DPP6: variants seen among roughly 807,000 people sequenced by gnomAD.
DPP6 encodes the protein A-type potassium channel modulatory protein DPP6.
Under a neutral mutation model 122.6 loss-of-function variants are expected in DPP6, and 69 were observed. The ratio of observed to expected loss-of-function variants is 0.56; its 90% CI spans 0.46 to 0.69. The LOEUF (loss-of-function observed/expected upper bound fraction) is 0.69, where lower values mean the gene tolerates loss of function less well. Among genes scored for constraint, DPP6 ranks in the 30% least tolerant of loss-of-function variants. The pLI, the probability that DPP6 is intolerant of heterozygous loss-of-function variation, is 0.00. For missense variants in DPP6, 928 were observed against 1,116.9 expected (o/e 0.83, Z 2.41); for synonymous variants, 418 against 433.1 (o/e 0.97, Z 0.43).
At chr7:154,381,416 A>G (rs1281548957) in intron 1 of DPP6, among the ~76,000 whole-genome samples, 2 of 152,216 alleles carry the variant, frequency 1.3e-5, no homozygotes, top group Non-Finnish European at 2.9e-5. Context: ...ACACCTACAC[A>G]TGTAATGCCT....
At chr7:153,950,137 C>A (rs1802140918) in intron 1 of DPP6, among the ~76,000 whole-genome samples, 1 of 152,168 alleles carries the variant, frequency 6.6e-6, no homozygotes, top group African/African-American at 2.4e-5. Flanking sequence ...CAGGTGCCTA[C>A]TGGAAGGAGC....
chr7:154,451,039 C>T (rs1820316542), intron 2 of DPP6, among the ~76,000 whole-genome samples: 1 of 152,030 alleles, frequency 6.6e-6, no homozygotes, highest in Non-Finnish European at 1.5e-5. Flanking sequence ...TCATGTCACC[C>T]CGGTCCAAGG....
chr7:154,453,916 C>G (rs76165134), intron 2 of DPP6, among the ~76,000 whole-genome samples: 1 of 152,134 alleles, frequency 6.6e-6, no homozygotes, highest in African/African-American at 2.4e-5. Flanking sequence ...TAAAGTCCCA[C>G]ATAATCTCAA....
intron 9 of DPP6, among the ~76,000 whole-genome samples, chr7:154,770,494 T>C (rs978408483): frequency 6.6e-6 from 1 of 152,086 alleles, no homozygotes; most frequent in Non-Finnish European, 1.5e-5. Context: ...GAGAGACCCC[T>C]CTCTGATTCC....
intron 1 of DPP6, among the ~76,000 whole-genome samples, chr7:153,934,986 C>G (rs1388942783): frequency 3.3e-5 from 5 of 152,276 alleles, no homozygotes; most frequent in Non-Finnish European, 7.4e-5. Context: ...CCGTCATAGC[C>G]CAGGGTGCCA....
chr7:154,332,824 C>T (rs1318105330), intron 1 of DPP6, among the ~76,000 whole-genome samples: 4 of 152,146 alleles, frequency 2.6e-5, no homozygotes, highest in Non-Finnish European at 4.4e-5. Flanking sequence ...TGGGAAGGTG[C>T]GTTTGGCCAT....
At chr7:154,119,273 C>T (rs1290766020) in intron 1 of DPP6, among the ~76,000 whole-genome samples, 4 of 152,154 alleles carry the variant, frequency 2.6e-5, no homozygotes, top group Admixed American at 1.3e-4. Context: ...GAACACAGGT[C>T]CGGATGCTCA....
At chr7:154,203,880 G>A (rs921961291) in intron 1 of DPP6, among the ~76,000 whole-genome samples, 10 of 152,164 alleles carry the variant, frequency 6.6e-5, no homozygotes, top group African/African-American at 2.2e-4. Context: ...GAAGATAGAG[G>A]CAGTAACATC....
chr7:154,463,018 A>G (rs1821426719), intron 2 of DPP6, among the ~76,000 whole-genome samples: 1 of 151,770 alleles, frequency 6.6e-6, no homozygotes, highest in Non-Finnish European at 1.5e-5. Context: ...GGTTTTTCCA[A>G]ATATAAGATC....
chr7:154,228,313 G>C (rs931204237), intron 1 of DPP6, among the ~76,000 whole-genome samples: 5 of 152,146 alleles, frequency 3.3e-5, no homozygotes, highest in Admixed American at 6.5e-5. Flanking sequence ...CTTTCCTTCT[G>C]CAAGGGTCCT....
At chr7:154,181,913 T>A (rs1798108442) in intron 1 of DPP6, among the ~76,000 whole-genome samples, 1 of 152,064 alleles carries the variant, frequency 6.6e-6, no homozygotes, top group African/African-American at 2.4e-5. Flanking sequence ...CACACCCAGC[T>A]AATTTTTTTA....
chr7:154,502,220 C>T (rs1393424652), intron 3 of DPP6, among the ~76,000 whole-genome samples: 2 of 152,172 alleles, frequency 1.3e-5, no homozygotes, highest in Non-Finnish European at 2.9e-5. Flanking sequence ...TGCCTTGTCT[C>T]ATATGAGACA....
chr7:154,805,132 A>G (rs1201648932), intron 15 of DPP6, among the ~76,000 whole-genome samples, 168 bp downstream of exon 15: 1 of 152,228 alleles, frequency 6.6e-6, no homozygotes, highest in Non-Finnish European at 1.5e-5. Flanking sequence ...TGCAGAGGCC[A>G]CCAAAGGGGT....
At chr7:154,103,002 C>T (rs181591078) in intron 1 of DPP6, among the ~76,000 whole-genome samples, 1 of 152,128 alleles carries the variant, frequency 6.6e-6, no homozygotes, top group East Asian at 1.9e-4. Context: ...AAAGGCCAGC[C>T]CCATGGGGTC....
At chr7:154,080,843 G>A (rs998069985) in intron 1 of DPP6, among the ~76,000 whole-genome samples, 4 of 152,118 alleles carry the variant, frequency 2.6e-5, no homozygotes, top group Non-Finnish European at 5.9e-5. Context: ...AGGCTAGGAG[G>A]TCTGCATGGA....
rs60317194 is a variant in DPP6, at chr7:154,174,878, C to CT, written c.243+121826dup. 2.1e-3 allele frequency among the ~76,000 whole-genome samples: 302 copies of CT among 144,952 alleles called. 3 individuals carry two copies. The highest frequency in any genetic ancestry group is 6.8e-3 in the African/African-American group (265 of 39,020). On this transcript the variant is annotated intron_variant, in intron 1 of 25. Coordinates refer to ENST00000377770, the MANE Select transcript of DPP6 (RefSeq NM_130797.4). ...CACAGCCCAATTTCTTTCTTTCTTT[C>CT]TTTTTTTTTTTGTTTTGAGATGGAG...
the DPP6 span, among the ~76,000 whole-genome samples, chr7:153,789,770 T>C: frequency 6.6e-6 from 1 of 152,194 alleles, no homozygotes; most frequent in Admixed American, 6.5e-5. Context: ...ATTGTCAACA[T>C]AATTGCCTTT....
intron 3 of DPP6, among the ~76,000 whole-genome samples, chr7:154,504,797 G>GTTT (rs34729018): frequency 3.5e-5 from 5 of 142,914 alleles, no homozygotes; most frequent in African/African-American, 1.0e-4. Flanking sequence ...GTATCAGGGT[G>GTTT]TTTTTTTTTT....
intron 5 of DPP6, among the ~76,000 whole-genome samples, chr7:154,577,972 T>C (rs1306111826): frequency 6.6e-6 from 1 of 152,186 alleles, no homozygotes; most frequent in Non-Finnish European, 1.5e-5. Context: ...AGATTAATCA[T>C]TGTTGTGTGT....
Sources: allele counts gnomAD v4.1 joint callset (sites outside exome capture counted in the v4.1 genomes callset), GRCh38; gene constraint gnomAD v4.1.1; transcripts MANE v1.5; gene names NCBI Gene and HGNC (gene_info 2026-07-23, HGNC 2026-07-21).